The following DNAI7 variants were observed in gnomAD, a reference collection of about 807,000 sequenced individuals.
The protein encoded by DNAI7 is cancer susceptibility 1.
Under a neutral mutation model 86.6 loss-of-function variants are expected in DNAI7, and 78 were observed. The ratio of observed to expected loss-of-function variants is 0.90; its 90% CI spans 0.75 to 1.09. DNAI7 has a LOEUF of 1.09. Ranked by LOEUF, DNAI7 falls within the 50% of genes least tolerant of loss-of-function variation. The pLI is 0.00. For missense variants in DNAI7, 753 were observed against 810.2 expected, an observed-to-expected ratio of 0.93 and a Z score of 0.86; for synonymous variants, 274 against 273.0, an observed-to-expected ratio of 1.00 and a Z score of -0.04.
intron 9 of DNAI7, among the ~76,000 whole-genome samples, chr12:25,132,972 G>C (rs1387924647): frequency 6.6e-6 from 1 of 151,980 alleles, no homozygotes; most frequent in Non-Finnish European, 1.5e-5. Flanking sequence ...AGGTTTATGG[G>C]GCTACACAAA....
chr12:25,130,847 C>G (rs1441183685), intron 9 of DNAI7, among the ~76,000 whole-genome samples: 1 of 152,028 alleles, frequency 6.6e-6, no homozygotes, highest in African/African-American at 2.4e-5. Context: ...ATTAGTATTA[C>G]ACATTTAAAT....
chr12:25,136,002 C>T (rs1592329464), intron 9 of DNAI7, among the ~76,000 whole-genome samples: 1 of 152,152 alleles, frequency 6.6e-6, no homozygotes, highest in Non-Finnish European at 1.5e-5. Flanking sequence ...AATACTTATC[C>T]AGGTTACCTT....
At chr12:25,142,366 G>A (rs901767565) in intron 9 of DNAI7, among the ~76,000 whole-genome samples, 1 of 152,110 alleles carries the variant, frequency 6.6e-6, no homozygotes, top group African/African-American at 2.4e-5. Context: ...AGGGGGATGA[G>A]GGATAAAAGA....
intron 9 of DNAI7, among the ~76,000 whole-genome samples, chr12:25,133,723 T>C (rs1325341277): frequency 1.3e-5 from 2 of 152,186 alleles, no homozygotes; most frequent in East Asian, 3.9e-4. Context: ...CGTCTACACA[T>C]GTGTCTGTTG....
In DNAI7 at chr12:25,108,378, GA is replaced by G. The variant is rs960094722; in HGVS notation, c.*169del. On this transcript the variant is annotated 3_prime_UTR_variant, in exon 16 of 16. Transcript: ENST00000395987. The stretch of plus-strand genomic sequence containing the variant: ...TTCTTAACAGGCCAAGTATTCAAAG[GA>G]AAAAAAAATACTGTTTTTAAAATAA... 166 of 603,680 alleles carry G rather than the reference GA, an allele frequency of 2.7e-4. No homozygotes were observed. Among genetic ancestry groups the G allele is most frequent in the South Asian group, 5.4e-4 (17 of 31,434 alleles). The allele number at this position is 603,680 out of a possible 1,614,324, so 37.4% of individuals were successfully genotyped here.
rs747870446 is a variant in DNAI7 at position 25,108,839 on chromosome 12, ATT to A, written c.1894-18_1894-17del. 16 of 1,113,140 alleles carry A rather than the reference ATT, an allele frequency of 1.4e-5. No individual in the cohort carries two copies. The highest frequency in any genetic ancestry group is 4.5e-5 in the African/African-American group (3 of 66,074). 69.0% of individuals were successfully genotyped at this position (1,113,140 alleles called of 1,614,324 possible). A position where few individuals can be genotyped will look rare whatever the true frequency, so the allele number is the denominator to read the frequency against. ...GTTCCCTCACCTAAAAAAAAAAAAA[ATT>A]CAAGCAAGTTGTTAATAATTCCTCT... is the stretch of plus-strand genomic sequence containing the variant. On this transcript the variant is annotated splice_polypyrimidine_tract_variant and intron_variant, in intron 15 of 15. Coordinates refer to ENST00000395987, the MANE Select transcript of DNAI7 (RefSeq NM_018272.5).
At chr12:25,165,003 T>C (rs1162822705) in intron 2 of DNAI7, among the ~76,000 whole-genome samples, 1 of 152,190 alleles carries the variant, frequency 6.6e-6, no homozygotes, top group African/African-American at 2.4e-5. Flanking sequence ...AATGCTCCTT[T>C]TTCTTTATCC....
chr12:25,161,206 AG>A lies in DNAI7; in HGVS notation c.22-10del. 1 of 1,611,088 alleles carries A rather than the reference AG, an allele frequency of 6.2e-7. No individual in the cohort carries two copies. Among genetic ancestry groups the A allele is most frequent in the African/African-American group, 1.3e-5 (1 of 74,952 alleles). On this transcript the variant is annotated splice_polypyrimidine_tract_variant and intron_variant, in intron 2 of 15. Transcript: ENST00000395987. ...TTTTTCTTACTGCCAGACTTAACAA[AG>A]GCCACATCATAAAAAAGGCTATTAA...
intron 2 of DNAI7, among the ~76,000 whole-genome samples, chr12:25,174,683 TATATATGGAATATAGATATCATAC>T (rs1486144626): frequency 8.9e-5 from 12 of 134,550 alleles, no homozygotes; most frequent in African/African-American, 3.1e-4. Context: ...ATATATCATA[TATATATGGAATATAGATATCATAC>T]ATATGGAATA....
chr12:25,153,239 T>C (rs1592462981), intron 6 of DNAI7, among the ~76,000 whole-genome samples: 2 of 152,122 alleles, frequency 1.3e-5, no homozygotes, highest in South Asian at 4.1e-4. Flanking sequence ...CTGGCCAACA[T>C]GGTGAAACCT....
chr12:25,143,376 G>A (rs1294182456), intron 9 of DNAI7, among the ~76,000 whole-genome samples: 17 of 151,546 alleles, frequency 1.1e-4, no homozygotes, highest in African/African-American at 4.1e-4. Context: ...AGCCTCCCAA[G>A]TAGCTGGGAT....
intron 9 of DNAI7, among the ~76,000 whole-genome samples, chr12:25,125,284 ATTT>A (rs1248585278): frequency 6.6e-6 from 1 of 152,002 alleles, no homozygotes; most frequent in Non-Finnish European, 1.5e-5. Flanking sequence ...AGCAACTTTT[ATTT>A]TTTGACTTTT....
chr12:25,113,453 C>G (rs533925212), intron 13 of DNAI7, among the ~76,000 whole-genome samples: 26 of 152,190 alleles, frequency 1.7e-4, no homozygotes, highest in African/African-American at 6.0e-4. Context: ...AGGCGTGTGC[C>G]ACCATGCCTG....
chr12:25,108,889 G>GAT, intron 15 of DNAI7, 66 bp from the exon 16 acceptor site: 2 of 999,440 alleles, frequency 2.0e-6, no homozygotes, highest in Non-Finnish European at 2.7e-6. Flanking sequence ...TTTGGTAGCA[G>GAT]ATTATTATTT....
chr12:25,132,879 T>C lies in DNAI7; in HGVS notation c.1003-9593A>G, dbSNP rs891311727. Among the ~76,000 whole-genome samples, 3 of 151,754 alleles carry C rather than the reference T, an allele frequency of 2.0e-5. 1 individual carries two copies. The highest frequency in any genetic ancestry group is 7.3e-5 in the African/African-American group (3 of 41,010). Reference sequence around the variant, plus strand: ...TTCTCACTGATGTGTACAAATTCTTTATATTGGGGTATAACCCCTTGTCAT... The same window carrying C: ...TTCTCACTGATGTGTACAAATTCTTCATATTGGGGTATAACCCCTTGTCAT... On this transcript the variant is annotated intron_variant, in intron 9 of 15. Coordinates refer to ENST00000395987, the MANE Select transcript of DNAI7 (RefSeq NM_018272.5).
intron 13 of DNAI7, among the ~76,000 whole-genome samples, chr12:25,114,142 G>T (rs1220958904): frequency 6.6e-6 from 1 of 151,716 alleles, no homozygotes; most frequent in African/African-American, 2.4e-5. Context: ...GCTTCACCAT[G>T]TTGGCCAGGC....
chr12:25,153,164 G>A (rs1048238352), intron 6 of DNAI7, among the ~76,000 whole-genome samples: 1 of 152,132 alleles, frequency 6.6e-6, no homozygotes, highest in Non-Finnish European at 1.5e-5. Context: ...AGGTGCAGTG[G>A]TAATCCTAGC....
At chr12:25,151,450 C>T in intron 6 of DNAI7, among the ~76,000 whole-genome samples, 1 of 152,160 alleles carries the variant, frequency 6.6e-6, no homozygotes, top group Non-Finnish European at 1.5e-5. Flanking sequence ...GTTGTGATTA[C>T]TCCCCTCTTC....
At chr12:25,142,755 G>A (rs113557697) in intron 9 of DNAI7, among the ~76,000 whole-genome samples, 1 of 152,046 alleles carries the variant, frequency 6.6e-6, no homozygotes, top group Non-Finnish European at 1.5e-5. Flanking sequence ...TTAGGTTAAT[G>A]GGGTTTAATT....
Sources: allele counts gnomAD v4.1 joint callset (sites outside exome capture counted in the v4.1 genomes callset), GRCh38; gene constraint gnomAD v4.1.1; transcripts MANE v1.5; gene names NCBI Gene and HGNC (gene_info 2026-07-23, HGNC 2026-07-21).